The following TMEFF2 variants were observed in gnomAD, a reference collection of about 807,000 sequenced individuals.
The protein encoded by TMEFF2 is tomoregulin-2.
Under a neutral mutation model 53.8 loss-of-function variants are expected in TMEFF2, and 28 were observed. The observed-to-expected ratio is 0.52, with a 90% CI of 0.39 to 0.71. The LOEUF is 0.71. Among genes scored for constraint, TMEFF2 ranks in the 30% least tolerant of loss-of-function variants. The probability of loss-of-function intolerance (pLI) is 0.00; values close to 1 mark genes in which losing one functional copy is unlikely to be tolerated. For synonymous variants in TMEFF2, 162 were observed against 166.3 expected (o/e 0.97, Z 0.20); for missense variants, 353 against 455.2 (o/e 0.78, Z 2.04).
At chr2:192,069,821 C>G (rs1224026730) in intron 4 of TMEFF2, among the ~76,000 whole-genome samples, 1 of 151,384 alleles carries the variant, frequency 6.6e-6, no homozygotes, top group Non-Finnish European at 1.5e-5. Context: ...CTAATTTTTT[C>G]AACTTTAGGT....
intron 7 of TMEFF2, among the ~76,000 whole-genome samples, chr2:191,980,595 GTATT>G (rs1236860879): frequency 6.6e-6 from 1 of 152,044 alleles, no homozygotes; most frequent in Non-Finnish European, 1.5e-5. Context: ...GGTTACCCAG[GTATT>G]TATTTGGTCA....
intron 1 of TMEFF2, 89 bp from the exon 2 acceptor site, chr2:192,192,078 G>A (rs1034115968): frequency 1.1e-6 from 1 of 892,026 alleles, no homozygotes; most frequent in African/African-American, 1.7e-5. Context: ...TAAAATACTT[G>A]TCCTAAATTT....
chr2:192,159,578 T>G (rs1690585752), intron 4 of TMEFF2, among the ~76,000 whole-genome samples: 1 of 152,194 alleles, frequency 6.6e-6, no homozygotes, highest in Admixed American at 6.6e-5. Context: ...TGTATGGACT[T>G]AACATCTAAT....
chr2:192,040,934 A>G (rs2105885449), intron 5 of TMEFF2, among the ~76,000 whole-genome samples: 1 of 152,322 alleles, frequency 6.6e-6, no homozygotes, highest in Non-Finnish European at 1.5e-5. Flanking sequence ...TAACAAATGA[A>G]TTTGGACCCC....
At chr2:192,021,510 C>A (rs1274504514) in intron 5 of TMEFF2, among the ~76,000 whole-genome samples, 1 of 151,878 alleles carries the variant, frequency 6.6e-6, no homozygotes, top group Non-Finnish European at 1.5e-5. Flanking sequence ...TATGTGTGGG[C>A]CCCAAACTGA....
intron 5 of TMEFF2, among the ~76,000 whole-genome samples, chr2:192,007,956 T>C (rs1269289419): frequency 6.6e-6 from 1 of 152,200 alleles, no homozygotes; most frequent in East Asian, 1.9e-4. Context: ...TCCTGCTTTT[T>C]TCCTGATCTG....
At chr2:192,160,480 A>G (rs1478350394) in intron 4 of TMEFF2, among the ~76,000 whole-genome samples, 1 of 152,206 alleles carries the variant, frequency 6.6e-6, no homozygotes, top group African/African-American at 2.4e-5. Context: ...GATATTAAAA[A>G]TATTCATTAA....
At chr2:192,187,360 G>A (rs909465293) in intron 2 of TMEFF2, among the ~76,000 whole-genome samples, 1 of 152,038 alleles carries the variant, frequency 6.6e-6, no homozygotes, top group East Asian at 1.9e-4. Context: ...TAAATTATTT[G>A]CTTTGTATGA....
intron 5 of TMEFF2, among the ~76,000 whole-genome samples, chr2:192,021,686 C>T (rs1407752592): frequency 2.0e-5 from 3 of 152,122 alleles, no homozygotes; most frequent in Middle Eastern, 3.4e-3. Context: ...TGAGAACTGC[C>T]CCCAAGAGCA....
Position 191,999,217 on chromosome 2 carries a change from A to G in TMEFF2, c.537-9T>C. ...CAATATTACACACACACCTAAAAAA[A>G]GAGAGAAATAAAAACATGTAACATC... is the stretch of plus-strand genomic sequence containing the variant. On this transcript the variant is annotated splice_polypyrimidine_tract_variant and intron_variant, in intron 5 of 9. Transcript: ENST00000272771. 6.4e-7 allele frequency: 1 copy of G among 1,571,708 alleles called. No individual in the cohort carries two copies. Among genetic ancestry groups the G allele is most frequent in the East Asian group, 2.3e-5 (1 of 44,244 alleles).
chr2:191,949,085 G>A lies in TMEFF2; in HGVS notation c.*1226C>T. 1.0e-6 allele frequency: 1 copy of A among 984,860 alleles called. No individual in the cohort carries two copies. Among genetic ancestry groups the A allele is most frequent in the Non-Finnish European group, 1.2e-6 (1 of 829,704 alleles). 61.0% of individuals were successfully genotyped at this position (984,860 alleles called of 1,614,324 possible). ...AGAGAGCTTTATTTAAATTTACTGTGTTAGCCATGGAAAGCTTTGCAGAGC... is the reference window on the plus strand; with the variant it reads ...AGAGAGCTTTATTTAAATTTACTGTATTAGCCATGGAAAGCTTTGCAGAGC... On this transcript the variant is annotated 3_prime_UTR_variant, in exon 10 of 10. Coordinates refer to ENST00000272771, the MANE Select transcript of TMEFF2 (RefSeq NM_016192.4).
rs1692092124 is a variant in TMEFF2 at position 191,956,281 on chromosome 2, A to G, written c.843T>C (p.Ser281=). The G allele has an allele frequency of 6.2e-7, 1 of 1,613,658 alleles. No individual in the cohort carries two copies. Among genetic ancestry groups the G allele is most frequent in the East Asian group, 2.2e-5 (1 of 44,850 alleles). The change falls in exon 8 of 10, where the codon TCT becomes TCC. Residue 281 remains serine, a synonymous_variant. Coordinates refer to ENST00000272771, the MANE Select transcript of TMEFF2 (RefSeq NM_016192.4). ...GFCMHGKCEH[S]INMQEPSCRC... is the part of the protein sequence containing the mutation. Reference sequence around the variant, plus strand: ...TGCAAGATGGCTCCTGCATATTGATAGAATGCTCACACTTCCCATGCATGC... The same window carrying G: ...TGCAAGATGGCTCCTGCATATTGATGGAATGCTCACACTTCCCATGCATGC...
At chr2:192,146,232 A>T (rs1559145913) in intron 4 of TMEFF2, among the ~76,000 whole-genome samples, 1 of 152,076 alleles carries the variant, frequency 6.6e-6, no homozygotes, top group Non-Finnish European at 1.5e-5. Context: ...TTCTCAGAAC[A>T]TAGGCTACTG....
chr2:192,053,896 CAATAT>C (rs1413336514), intron 5 of TMEFF2, among the ~76,000 whole-genome samples: 1 of 152,044 alleles, frequency 6.6e-6, no homozygotes, highest in African/African-American at 2.4e-5. Context: ...TGACTAAATA[CAATAT>C]GTTAACATAC....
intron 4 of TMEFF2, among the ~76,000 whole-genome samples, chr2:192,148,615 C>T (rs907125764): frequency 2.0e-5 from 3 of 151,950 alleles, no homozygotes; most frequent in Non-Finnish European, 4.4e-5. Flanking sequence ...TTGAAGAATG[C>T]TACAGTGAGT....
At chr2:191,950,607 G>A in intron 9 of TMEFF2, 200 bp from the exon 10 acceptor site, 1 of 741,958 alleles carries the variant, frequency 1.3e-6, no homozygotes. Flanking sequence ...ATTTTTGTTG[G>A]GAATTGAACA....
chr2:191,995,212 ATTTAT>A (rs927785836), intron 7 of TMEFF2, among the ~76,000 whole-genome samples: 14 of 152,094 alleles, frequency 9.2e-5, no homozygotes, highest in African/African-American at 3.1e-4. Flanking sequence ...GATACAATTA[ATTTAT>A]TTTAAGATTT....
intron 4 of TMEFF2, among the ~76,000 whole-genome samples, chr2:192,146,418 G>A (rs1438047638): frequency 6.6e-6 from 1 of 151,982 alleles, no homozygotes; most frequent in Non-Finnish European, 1.5e-5. Context: ...TAAAAATATT[G>A]TAATTAATTT....
At chr2:192,147,910 T>C (rs1002677430) in intron 4 of TMEFF2, among the ~76,000 whole-genome samples, 3 of 152,084 alleles carry the variant, frequency 2.0e-5, no homozygotes, top group South Asian at 4.1e-4. Context: ...AGTTGTGATA[T>C]ATATTTTTAA....
Sources: allele counts gnomAD v4.1 joint callset (sites outside exome capture counted in the v4.1 genomes callset), GRCh38; gene constraint gnomAD v4.1.1; transcripts MANE v1.5; gene names NCBI Gene and HGNC (gene_info 2026-07-23, HGNC 2026-07-21).